The following MALT1 variants were observed in gnomAD, a reference collection of about 807,000 sequenced individuals.
The protein encoded by MALT1 is mucosa-associated lymphoid tissue lymphoma translocation protein 1.
In MALT1, 36 loss-of-function variants were observed where a neutral mutation model predicts 85.5. The observed-to-expected ratio is 0.42, with a 90% CI of 0.32 to 0.56. The LOEUF is 0.56. MALT1 is among the 20% of genes least tolerant of loss of function. The pLI is 0.10. For missense variants in MALT1, 716 were observed against 981.6 expected (o/e 0.73, Z 3.62); for synonymous variants, 359 against 361.3 (o/e 0.99, Z 0.07).
rs2055407443 is a variant in MALT1 at position 58,748,734 on chromosome 18, A to T, written c.*892A>T. The T allele has an allele frequency of 5.1e-6, 1 of 195,610 alleles. No individual in the cohort carries two copies. The highest frequency in any genetic ancestry group is 1.1e-5 in the Non-Finnish European group (1 of 93,976). The allele number at this position is 195,610 out of a possible 1,614,324, so 12.1% of individuals were successfully genotyped here. Reference sequence around the variant, plus strand: ...ACTCTTATCTTTGGCTCTACCTAAAAGTTGGTTAAAAATGCAATTGGCATT... The same window carrying T: ...ACTCTTATCTTTGGCTCTACCTAAATGTTGGTTAAAAATGCAATTGGCATT... On this transcript the variant is annotated 3_prime_UTR_variant, in exon 17 of 17. Transcript: ENST00000649217.
At position 58,749,301 on chromosome 18, in the gene MALT1, C is replaced by G; in HGVS notation, c.*1459C>G. 1 of 216,450 alleles carries G rather than the reference C, an allele frequency of 4.6e-6. No homozygotes were observed. The highest frequency in any genetic ancestry group is 9.3e-6 in the Non-Finnish European group (1 of 107,510). The allele number at this position is 216,450 out of a possible 1,614,324, so 13.4% of individuals were successfully genotyped here. On this transcript the variant is annotated 3_prime_UTR_variant, in exon 17 of 17. Coordinates refer to ENST00000649217, the MANE Select transcript of MALT1 (RefSeq NM_006785.4). The stretch of plus-strand genomic sequence containing the variant: ...AGCTTGAATTCTTAATTCATCCTAG[C>G]AAATTCTACCTTATTTTACAGAAGT...
At chr18:58,720,323 T>C (rs1256878591) in intron 9 of MALT1, among the ~76,000 whole-genome samples, 1 of 152,262 alleles carries the variant, frequency 6.6e-6, no homozygotes, top group African/African-American at 2.4e-5. Context: ...TTCGTTTCTC[T>C]GTCGTGTCCT....
At chr18:58,731,213 A>C (rs967374845) in intron 10 of MALT1, among the ~76,000 whole-genome samples, 1 of 152,182 alleles carries the variant, frequency 6.6e-6, no homozygotes, top group Non-Finnish European at 1.5e-5. Flanking sequence ...TTGGCCTCCC[A>C]AAGTGCTGGG....
At chr18:58,720,778 G>A (rs771932692) in intron 9 of MALT1, among the ~76,000 whole-genome samples, 10 of 152,134 alleles carry the variant, frequency 6.6e-5, no homozygotes, top group Non-Finnish European at 2.9e-5. Flanking sequence ...AATCTATGAT[G>A]TGTATAATTA....
intron 12 of MALT1, among the ~76,000 whole-genome samples, chr18:58,734,804 G>GA (rs571809549): frequency 4.4e-4 from 67 of 152,334 alleles, no homozygotes; most frequent in African/African-American, 1.6e-3. Context: ...AGGCAGAAGA[G>GA]AAAATGAAGC....
intron 2 of MALT1, among the ~76,000 whole-genome samples, chr18:58,682,157 G>A (rs928101739): frequency 6.6e-6 from 1 of 152,120 alleles, no homozygotes; most frequent in African/African-American, 2.4e-5. Context: ...TGGTTTTGAT[G>A]TATACCATTT....
chr18:58,695,497 T>C (rs906606491), intron 2 of MALT1, among the ~76,000 whole-genome samples: 1 of 152,222 alleles, frequency 6.6e-6, no homozygotes, highest in African/African-American at 2.4e-5. Context: ...CACTGCTCTG[T>C]TTCTGTGTCT....
At chr18:58,685,571 T>A (rs1166097992) in intron 2 of MALT1, among the ~76,000 whole-genome samples, 4 of 152,308 alleles carry the variant, frequency 2.6e-5, no homozygotes, top group Non-Finnish European at 5.9e-5. Context: ...GCTTCAGCAG[T>A]CACTCAGCAT....
At chr18:58,709,347 C>G (rs753764912) in intron 4 of MALT1, 31 bp from the exon 5 acceptor site, 1 of 1,427,070 alleles carries the variant, frequency 7.0e-7, no homozygotes, top group Non-Finnish European at 9.5e-7. Flanking sequence ...TATTTTTAAC[C>G]TAGAGATTTT....
At position 58,735,233 on chromosome 18, in the gene MALT1, C is replaced by T. The variant is rs1333344437; in HGVS notation, c.1507C>T (p.His503Tyr). ...CQGAEAFEIQHSGLANGIFMK... is the reference protein window; with the variant it reads ...CQGAEAFEIQYSGLANGIFMK... ...AGGAGCAGAAGCTTTTGAAATCCAG[C>T]ATTCTGGATTGGCAAATGGAATCTT... The change falls in exon 13 of 17, where the codon CAT becomes TAT. Residue 503 changes from histidine (H) to tyrosine (Y), a missense_variant. By Grantham distance (83) the His-to-Tyr change is moderately conservative. Around this residue, in one of 4 missense-constraint regions of MALT1, gnomAD observed 86 missense variants for 212.3 expected, o/e 0.41. Transcript: ENST00000649217. 1 of 1,607,166 alleles carries T rather than the reference C, an allele frequency of 6.2e-7. No individual in the cohort carries two copies. The highest frequency in any genetic ancestry group is 1.7e-5 in the Admixed American group (1 of 58,446).
intron 1 of MALT1, among the ~76,000 whole-genome samples, chr18:58,679,512 C>A (rs1456366300): frequency 6.6e-6 from 1 of 152,214 alleles, no homozygotes; most frequent in Non-Finnish European, 1.5e-5. Context: ...GGCCATGGTC[C>A]CTGCAATAGG....
At chr18:58,715,738 A>C (rs1400163418) in intron 8 of MALT1, among the ~76,000 whole-genome samples, 197 bp from the exon 9 acceptor site, 1 of 152,182 alleles carries the variant, frequency 6.6e-6, no homozygotes, top group African/African-American at 2.4e-5. Flanking sequence ...AGGCATCAGG[A>C]AATGGTAACT....
intron 2 of MALT1, 43 bp downstream of exon 2, chr18:58,681,379 C>G: frequency 6.5e-7 from 1 of 1,542,022 alleles, no homozygotes; most frequent in Non-Finnish European, 8.8e-7. Flanking sequence ...GTTCATGGAG[C>G]CAAACTTAGA....
intron 2 of MALT1, among the ~76,000 whole-genome samples, chr18:58,693,005 G>T (rs762303447): frequency 2.6e-5 from 4 of 152,134 alleles, no homozygotes; most frequent in African/African-American, 7.2e-5. Context: ...AGGAAGCTGC[G>T]GAAGAAAAGT....
At chr18:58,737,878 C>T (rs578048324) in intron 13 of MALT1, among the ~76,000 whole-genome samples, 30 of 152,278 alleles carry the variant, frequency 2.0e-4, no homozygotes, top group African/African-American at 6.0e-4. Context: ...CCACCACGCC[C>T]GGCCCACCTT....
In MALT1 at chr18:58,736,096, T is replaced by A. The variant is rs546132102; in HGVS notation, c.1603+767T>A. ...TAAGGCCAAGAGTTCAAGACCAGCC[T>A]AGGCAACATAGCGAGACCCTGTCTT... On this transcript the variant is annotated intron_variant, in intron 13 of 16. Coordinates refer to ENST00000649217, the MANE Select transcript of MALT1 (RefSeq NM_006785.4). Among the ~76,000 whole-genome samples the A allele has an allele frequency of 2.6e-4, 39 of 152,162 alleles. No homozygotes were observed. The East Asian group carries it at 6.9e-3, about 27-fold the overall frequency.
rs981026644 is a variant in MALT1 at position 58,752,063 on chromosome 18, G to A, written c.*4221G>A. 2.0e-5 allele frequency: 3 copies of A among 152,188 alleles called. No homozygotes were observed. Among genetic ancestry groups the A allele is most frequent in the African/African-American group, 7.2e-5 (3 of 41,444 alleles). 9.4% of individuals were successfully genotyped at this position (152,188 alleles called of 1,614,324 possible). The stretch of plus-strand genomic sequence containing the variant: ...ACATGAAGTAACAGTGAGGTGTCCT[G>A]TGCAGCAGTCGCAATTTTTTGACTT... On this transcript the variant is annotated 3_prime_UTR_variant, in exon 17 of 17. Coordinates refer to ENST00000649217, the MANE Select transcript of MALT1 (RefSeq NM_006785.4).
In MALT1 at chr18:58,723,229, C is replaced by G; in HGVS notation, c.1200C>G (p.Leu400=). The G allele has an allele frequency of 6.2e-7, 1 of 1,612,202 alleles. No individual in the cohort carries two copies. The highest frequency in any genetic ancestry group is 8.5e-7 in the Non-Finnish European group (1 of 1,178,510). ...GTAATGCTGTGGATGAGTTTTTACTCCTTTTAGACAAGGGAGTATATGGTA... is the reference window on the plus strand; with the variant it reads ...GTAATGCTGTGGATGAGTTTTTACTGCTTTTAGACAAGGGAGTATATGGTA... ...EMRNAVDEFL[L]LLDKGVYGLL... is the part of the protein sequence containing the mutation. Residue 400 remains leucine, a synonymous_variant, in exon 10 of 17, where the codon CTC becomes CTG. Coordinates refer to ENST00000649217, the MANE Select transcript of MALT1 (RefSeq NM_006785.4).
intron 1 of MALT1, among the ~76,000 whole-genome samples, chr18:58,677,280 T>A (rs973349041): frequency 1.4e-5 from 2 of 147,488 alleles, no homozygotes; most frequent in Non-Finnish European, 3.0e-5. Flanking sequence ...TCTTTGTTCT[T>A]TTGGGGGGGA....
Sources: gnomAD v4.1 joint callset for allele counts (sites outside exome capture counted in the v4.1 genomes callset) on GRCh38, gnomAD v4.1.1 for gene constraint, gnomAD v4.1.1 regional missense constraint, MANE v1.5 for transcripts, NCBI Gene and HGNC (gene_info 2026-07-23, HGNC 2026-07-21) for gene names.